Variants in GRM7 observed in about 807,000 individuals in gnomAD.
The protein encoded by GRM7 is glutamate metabotropic receptor 7.
A neutral mutation model predicts 84.5 loss-of-function variants in GRM7; 35 were observed. The observed-to-expected ratio is 0.41, with a 90% confidence interval of 0.32 to 0.55. The LOEUF (loss-of-function observed/expected upper bound fraction) is 0.55. Among genes scored for constraint, GRM7 ranks in the 20% least tolerant of loss-of-function variants. The probability of loss-of-function intolerance (pLI) is 0.19; values close to 1 mark genes in which losing one functional copy is unlikely to be tolerated. For synonymous variants in GRM7, 487 were observed against 455.1 expected (o/e 1.07, Z -0.89); for missense variants, 1,003 against 1,194.6 (o/e 0.84, Z 2.36).
At chr3:7,453,749 C>T (rs1395968488) in intron 6 of GRM7, among the ~76,000 whole-genome samples, 2 of 151,968 alleles carry the variant, frequency 1.3e-5, no homozygotes, top group African/African-American at 2.4e-5. Context: ...TAGGCATGAT[C>T]GACAACCACG....
chr3:7,620,903 C>G (rs1697327658), intron 8 of GRM7, among the ~76,000 whole-genome samples: 1 of 152,140 alleles, frequency 6.6e-6, no homozygotes, highest in South Asian at 2.1e-4. Flanking sequence ...ACCACAATTA[C>G]TTTTGCACCA....
chr3:7,731,518 A>T (rs1702330575), intron 9 of GRM7, among the ~76,000 whole-genome samples: 1 of 152,196 alleles, frequency 6.6e-6, no homozygotes, highest in Admixed American at 6.5e-5. Context: ...CTATTGGGCC[A>T]AGCTAACTTT....
intron 7 of GRM7, among the ~76,000 whole-genome samples, chr3:7,473,233 C>T (rs1229221081): frequency 6.6e-6 from 1 of 152,044 alleles, no homozygotes; most frequent in Non-Finnish European, 1.5e-5. Context: ...TTTGGGAAGC[C>T]AAGGCAGGAG....
At chr3:6,984,952 A>C (rs537263170) in intron 1 of GRM7, among the ~76,000 whole-genome samples, 13 of 152,278 alleles carry the variant, frequency 8.5e-5, no homozygotes, top group African/African-American at 3.1e-4. Flanking sequence ...AAAGCAGTCC[A>C]TTTCAGTTCC....
chr3:7,437,830 CAG>C (rs1388721733), intron 5 of GRM7, among the ~76,000 whole-genome samples: 2 of 151,972 alleles, frequency 1.3e-5, no homozygotes, highest in African/African-American at 2.4e-5. Context: ...GGAAATTGTA[CAG>C]AGAGACCAAA....
chr3:7,457,738 T>C (rs923080269), intron 6 of GRM7, among the ~76,000 whole-genome samples: 1 of 152,140 alleles, frequency 6.6e-6, no homozygotes, highest in African/African-American at 2.4e-5. Context: ...TGTTAGAACA[T>C]TTGGACTATA....
chr3:7,217,586 T>C (rs1047196825), intron 2 of GRM7, among the ~76,000 whole-genome samples: 2 of 151,590 alleles, frequency 1.3e-5, no homozygotes, highest in Non-Finnish European at 2.9e-5. Context: ...TATTGTGTTT[T>C]CCTCATCTGT....
At chr3:6,999,241 A>G (rs61048758) in intron 1 of GRM7, among the ~76,000 whole-genome samples, 3,350 of 152,260 alleles carry the variant, frequency 0.022, 116 homozygotes, top group African/African-American at 0.077. Context: ...CACCTTCATT[A>G]AAGTCCCAAC....
At chr3:7,658,084 GT>G (rs1355319979) in intron 8 of GRM7, among the ~76,000 whole-genome samples, 2 of 152,156 alleles carry the variant, frequency 1.3e-5, no homozygotes, top group African/African-American at 4.8e-5. Flanking sequence ...TAATTCCCAA[GT>G]TTAGGTGCAT....
At chr3:7,360,294 A>T (rs1200416571) in intron 4 of GRM7, among the ~76,000 whole-genome samples, 1 of 147,892 alleles carries the variant, frequency 6.8e-6, no homozygotes, top group Non-Finnish European at 1.5e-5. Context: ...CAGAAAATTG[A>T]AATCTATGAT....
intron 1 of GRM7, among the ~76,000 whole-genome samples, chr3:7,009,501 TAAGTAGATATA>T: frequency 6.6e-6 from 1 of 152,314 alleles, no homozygotes; most frequent in African/African-American, 2.4e-5. Context: ...TAAAAAATGA[TAAGTAGATATA>T]AAGTATGATA....
intron 4 of GRM7, among the ~76,000 whole-genome samples, chr3:7,396,755 G>A (rs1036897097): frequency 1.3e-5 from 2 of 152,094 alleles, no homozygotes; most frequent in African/African-American, 4.8e-5. Context: ...GTTATCTGAT[G>A]CAAGTGGTGC....
At chr3:7,611,546 G>A (rs1696846837) in intron 8 of GRM7, among the ~76,000 whole-genome samples, 1 of 152,166 alleles carries the variant, frequency 6.6e-6, no homozygotes, top group African/African-American at 2.4e-5. Flanking sequence ...AACAGGGACA[G>A]CTGTCATAGA....
At chr3:6,891,627 T>C (rs1695951301) in intron 1 of GRM7, among the ~76,000 whole-genome samples, 1 of 152,222 alleles carries the variant, frequency 6.6e-6, no homozygotes. Flanking sequence ...GGCTTCCCTT[T>C]GTGGGTAACC....
intron 2 of GRM7, among the ~76,000 whole-genome samples, chr3:7,158,947 A>T (rs1694538994): frequency 6.6e-6 from 1 of 152,156 alleles, no homozygotes; most frequent in Admixed American, 6.6e-5. Flanking sequence ...TGTTAATGCT[A>T]GGTTTCAGAT....
intron 2 of GRM7, among the ~76,000 whole-genome samples, chr3:7,283,659 A>G (rs1364890043): frequency 6.6e-6 from 1 of 152,188 alleles, no homozygotes; most frequent in Non-Finnish European, 1.5e-5. Flanking sequence ...GGCATTATAC[A>G]GCACAAAAAT....
chr3:7,647,015 C>T (rs3804850), intron 8 of GRM7, among the ~76,000 whole-genome samples: 30,220 of 152,090 alleles, frequency 0.2, 3,170 homozygotes, highest in Non-Finnish European at 0.23. Context: ...CATTTGTATC[C>T]ATTCTGTCCT....
intron 7 of GRM7, among the ~76,000 whole-genome samples, chr3:7,475,943 C>G (rs756592581): frequency 9.2e-5 from 14 of 152,126 alleles, no homozygotes; most frequent in South Asian, 4.1e-4. Context: ...ACTATTGATC[C>G]TTCTGTGAAA....
intron 3 of GRM7, among the ~76,000 whole-genome samples, chr3:7,302,640 T>A (rs1700042588): frequency 6.6e-6 from 1 of 152,130 alleles, no homozygotes; most frequent in Non-Finnish European, 1.5e-5. Flanking sequence ...TTGGTCAGCT[T>A]TTATTTTGTG....
Sources: gnomAD v4.1 joint callset for allele counts (sites outside exome capture counted in the v4.1 genomes callset) on GRCh38, gnomAD v4.1.1 for gene constraint, MANE v1.5 for transcripts, NCBI Gene and HGNC (gene_info 2026-07-23, HGNC 2026-07-21) for gene names.